The following SMOC1 variants were observed in gnomAD, a reference collection of about 807,000 sequenced individuals.
SMOC1 encodes SPARC related modular calcium binding 1.
In SMOC1, 22 loss-of-function variants were observed where a neutral mutation model predicts 56.3. The observed-to-expected ratio is 0.39, with a 90% CI of 0.28 to 0.56. The LOEUF is 0.56. Ranked by LOEUF, SMOC1 falls within the 20% of genes least tolerant of loss-of-function variation. The probability of loss-of-function intolerance (pLI) is 0.61; values close to 1 mark genes in which losing one functional copy is unlikely to be tolerated. For synonymous variants in SMOC1, 193 were observed against 215.0 expected (o/e 0.90, Z 0.89); for missense variants, 509 against 565.4 (o/e 0.90, Z 1.01).
At chr14:69,979,026 C>T (rs1196515648) in intron 5 of SMOC1, among the ~76,000 whole-genome samples, 1 of 151,878 alleles carries the variant, frequency 6.6e-6, no homozygotes, top group Non-Finnish European at 1.5e-5. Context: ...CCAGGACTCC[C>T]ATCTCAGGCT....
At chr14:69,946,281 C>T (rs996214148) in intron 1 of SMOC1, among the ~76,000 whole-genome samples, 3 of 152,128 alleles carry the variant, frequency 2.0e-5, no homozygotes, top group African/African-American at 7.2e-5. Context: ...AAAGGCAGCC[C>T]CCAGTCAGTA....
At chr14:69,991,263 C>A (rs768488077) in intron 5 of SMOC1, among the ~76,000 whole-genome samples, 5 of 152,142 alleles carry the variant, frequency 3.3e-5, no homozygotes, top group Non-Finnish European at 7.3e-5. Flanking sequence ...CTTCCCTCCC[C>A]CCGTGGAGAG....
chr14:69,930,900 G>A (rs1287210617), intron 1 of SMOC1, among the ~76,000 whole-genome samples: 1 of 152,224 alleles, frequency 6.6e-6, no homozygotes, highest in Non-Finnish European at 1.5e-5. Flanking sequence ...CATCTCCTGT[G>A]TTGATTCTTC....
At chr14:69,907,211 G>A (rs561543423) in intron 1 of SMOC1, among the ~76,000 whole-genome samples, 1 of 152,294 alleles carries the variant, frequency 6.6e-6, no homozygotes, top group South Asian at 2.1e-4. Context: ...ACCACAGGAA[G>A]CAGCACTGTG....
At chr14:69,908,663 T>C (rs771588315) in intron 1 of SMOC1, among the ~76,000 whole-genome samples, 9 of 152,198 alleles carry the variant, frequency 5.9e-5, no homozygotes, top group Non-Finnish European at 1.2e-4. Flanking sequence ...TGACAGTGCC[T>C]TGGGATCTGT....
Position 69,900,744 on chromosome 14 carries a change from TA to T in SMOC1, c.99+20969del, listed in dbSNP as rs768199865. Among the ~76,000 whole-genome samples the T allele has an allele frequency of 4.6e-5, 7 of 152,338 alleles. 2 individuals carry two copies. The highest frequency in any genetic ancestry group is 1.3e-4 in the Admixed American group (2 of 15,306). ...ACACCCAAAGGCTCTCCTGTTGTGTTAATTATGAGAAACCTGATAACCAGGC... is the reference window on the plus strand; with the variant it reads ...ACACCCAAAGGCTCTCCTGTTGTGTTATTATGAGAAACCTGATAACCAGGC... On this transcript the variant is annotated intron_variant, in intron 1 of 11. Coordinates refer to ENST00000361956, the MANE Select transcript of SMOC1 (RefSeq NM_001034852.3).
chr14:69,943,315 T>C (rs1003541522), intron 1 of SMOC1, among the ~76,000 whole-genome samples: 2 of 152,192 alleles, frequency 1.3e-5, no homozygotes, highest in African/African-American at 4.8e-5. Context: ...CCCTCTTCCA[T>C]CTTCACGGAG....
chr14:69,886,107 C>T, intron 1 of SMOC1: 3 of 1,548,528 alleles, frequency 1.9e-6, no homozygotes, highest in Non-Finnish European at 2.6e-6. Flanking sequence ...GCCGGAGCCA[C>T]CTTCTTTCCC....
At chr14:69,940,966 A>T (rs1047301923) in intron 1 of SMOC1, among the ~76,000 whole-genome samples, 5 of 152,162 alleles carry the variant, frequency 3.3e-5, no homozygotes, top group Admixed American at 2.0e-4. Context: ...CAGAAAATAA[A>T]AATAAATGCC....
At chr14:69,885,438 G>A (rs548852671) in intron 1 of SMOC1, 39 of 1,601,380 alleles carry the variant, frequency 2.4e-5, no homozygotes, top group Non-Finnish European at 3.0e-5. Context: ...CCCCAGTGAC[G>A]GCGGATCTCA....
chr14:69,994,425 TA>T lies in SMOC1; in HGVS notation c.612del (p.Lys204AsnfsTer4). The T allele has an allele frequency of 1.2e-6, 2 of 1,614,064 alleles. No individual in the cohort carries two copies. The highest frequency in any genetic ancestry group is 1.7e-6 in the Non-Finnish European group (2 of 1,179,926). ...AAATCACAGCCCCAACTCTATGGAT[TA>T]AACACTTGGTGATCAAGGACTCCAA... is the stretch of plus-strand genomic sequence containing the variant. ...DEITAPTLWI[K>X]HLVIKDSKLN... On this transcript the variant is annotated frameshift_variant, in exon 7 of 12. Transcript: ENST00000361956. LOFTEE classifies it high-confidence loss of function.
At chr14:69,968,431 G>T (rs189029870) in intron 3 of SMOC1, among the ~76,000 whole-genome samples, 273 of 152,292 alleles carry the variant, frequency 1.8e-3, no homozygotes, top group African/African-American at 6.3e-3. Context: ...GTTCTTGGGG[G>T]TGGGGACATA....
chr14:69,961,301 TATATATATATATATA>T (rs1883369297), intron 3 of SMOC1, among the ~76,000 whole-genome samples: 1 of 131,832 alleles, frequency 7.6e-6, no homozygotes, highest in African/African-American at 2.8e-5. Context: ...TATATATATA[TATATATATATATATA>T]TATCCTGTTT....
At chr14:69,884,515 A>G (rs1257120498) in intron 1 of SMOC1, among the ~76,000 whole-genome samples, 2 of 152,184 alleles carry the variant, frequency 1.3e-5, no homozygotes, top group African/African-American at 4.8e-5. Context: ...TCCCCAAACC[A>G]AAGTCATGGA....
intron 7 of SMOC1, among the ~76,000 whole-genome samples, chr14:70,006,630 C>T (rs1885157715): frequency 6.6e-6 from 1 of 152,162 alleles, no homozygotes; most frequent in Admixed American, 6.5e-5. Context: ...TACTGGCTTA[C>T]CATAAAAATA....
At position 69,879,448 on chromosome 14, in the gene SMOC1, C is replaced by G. The variant is rs1003889454; in HGVS notation, c.-231C>G. Reference sequence around the variant, plus strand: ...CAACCTGCTGCCGCCTGGGCCCCGCCGAGCGGAGCTAGCGCCGCGCGCAGA... The same window carrying G: ...CAACCTGCTGCCGCCTGGGCCCCGCGGAGCGGAGCTAGCGCCGCGCGCAGA... On this transcript the variant is annotated 5_prime_UTR_variant, in exon 1 of 12. Coordinates refer to ENST00000361956, the MANE Select transcript of SMOC1 (RefSeq NM_001034852.3). 7.8e-6 allele frequency: 3 copies of G among 386,882 alleles called. No homozygotes were observed. The highest frequency in any genetic ancestry group is 1.4e-5 in the Non-Finnish European group (3 of 221,060). The allele number at this position is 386,882 out of a possible 1,614,324, so 24.0% of individuals were successfully genotyped here.
intron 7 of SMOC1, among the ~76,000 whole-genome samples, chr14:69,998,978 G>A (rs771725234): frequency 4.6e-5 from 7 of 152,102 alleles, no homozygotes; most frequent in African/African-American, 1.2e-4. Context: ...GACCCACAGC[G>A]CTCCCTTCTC....
intron 1 of SMOC1, among the ~76,000 whole-genome samples, chr14:69,898,460 TTC>T (rs1884154037): frequency 6.6e-6 from 1 of 151,916 alleles, no homozygotes; most frequent in Non-Finnish European, 1.5e-5. Flanking sequence ...GTATATTCAA[TTC>T]TGTTTTTTTT....
At chr14:70,011,457 AAC>A (rs1885335385) in intron 8 of SMOC1, 26 bp from the exon 9 acceptor site, 19 of 448,390 alleles carry the variant, frequency 4.2e-5, no homozygotes, top group Non-Finnish European at 6.3e-5. Context: ...AGCCCCTCCC[AAC>A]CCCCCCCATA....
Sources: gnomAD v4.1 joint callset for allele counts (sites outside exome capture counted in the v4.1 genomes callset) on GRCh38, gnomAD v4.1.1 for gene constraint, MANE v1.5 for transcripts, NCBI Gene and HGNC (gene_info 2026-07-23, HGNC 2026-07-21) for gene names.